Variants in TNS1 observed in about 807,000 individuals in gnomAD.
The protein encoded by TNS1 is tensin 1.
TNS1 carries 62 observed loss-of-function variants against 168.6 expected under a neutral mutation model. The ratio of observed to expected loss-of-function variants is 0.37; its 90% CI spans 0.30 to 0.45. The LOEUF is 0.45. Ranked by LOEUF, TNS1 falls within the 20% of genes least tolerant of loss-of-function variation. TNS1 has a pLI of 1.00. For synonymous variants in TNS1, 934 were observed against 933.2 expected (o/e 1.00, Z -0.02); for missense variants, 2,240 against 2,339.4 (o/e 0.96, Z 0.88).
chr2:217,920,655 A>G (rs1345157193), intron 3 of TNS1, among the ~76,000 whole-genome samples: 12 of 151,356 alleles, frequency 7.9e-5, no homozygotes, highest in Admixed American at 7.9e-4. Context: ...TAGGACCATC[A>G]TCAGAAAAGG....
At chr2:217,978,674 C>T (rs1183012160) in intron 3 of TNS1, 91 bp downstream of exon 3, 1 of 667,494 alleles carries the variant, frequency 1.5e-6, no homozygotes, top group Non-Finnish European at 2.7e-6. Context: ...CGGGCACCGC[C>T]CCCGCCCCGC....
chr2:217,821,173 T>G, intron 23 of TNS1, among the ~76,000 whole-genome samples: 1 of 152,202 alleles, frequency 6.6e-6, no homozygotes, highest in East Asian at 1.9e-4. Context: ...TCTCATCCTG[T>G]GCAGGGAGGG....
At chr2:217,903,385 G>A (rs750315424) in intron 6 of TNS1, among the ~76,000 whole-genome samples, 2 of 152,176 alleles carry the variant, frequency 1.3e-5, no homozygotes, top group African/African-American at 2.4e-5. Flanking sequence ...TCCGCGTGGA[G>A]CCCCTAGGGA....
upstream of TNS1, among the ~76,000 whole-genome samples, chr2:218,013,531 C>G (rs1173847326): frequency 6.6e-6 from 1 of 152,180 alleles, no homozygotes; most frequent in Admixed American, 6.5e-5. Flanking sequence ...TGGCCCCCAG[C>G]TCCTCGCATC....
At chr2:217,927,884 A>G (rs1479965185) in intron 3 of TNS1, among the ~76,000 whole-genome samples, 1 of 152,200 alleles carries the variant, frequency 6.6e-6, no homozygotes, top group Non-Finnish European at 1.5e-5. Context: ...AAATGATACC[A>G]GAGCGGTCCA....
rs1946966781 is a variant in TNS1 at position 217,848,313 on chromosome 2, G to A, written c.2204C>T (p.Ala735Val). The A allele has an allele frequency of 6.5e-7, 1 of 1,537,534 alleles. No individual in the cohort carries two copies. Among genetic ancestry groups the A allele is most frequent in the Non-Finnish European group, 8.8e-7 (1 of 1,141,004 alleles). Reference sequence around the variant, plus strand: ...GCGGAACATACCGCTGGGGTCATGGGCATAGTGGGAGGTGGTCACTGGCTG... The same window carrying A: ...GCGGAACATACCGCTGGGGTCATGGACATAGTGGGAGGTGGTCACTGGCTG... ...WPQPVTTSHY[A>V]HDPSGMFRSQ... is the part of the protein sequence containing the mutation. The change falls in exon 19 of 33, where the codon GCC becomes GTC. Residue 735 changes from alanine (A) to valine (V), a missense_variant. Physicochemically the swap from Ala to Val is moderately conservative, Grantham distance 64 (BLOSUM62 0). This residue lies in a region of TNS1 where 2,131 missense variants were observed against 2,171.2 expected (regional missense o/e 0.98). Transcript: ENST00000682258.
intron 22 of TNS1, among the ~76,000 whole-genome samples, chr2:217,822,393 C>A (rs1041172925): frequency 3.3e-5 from 5 of 152,170 alleles, no homozygotes; most frequent in Admixed American, 2.0e-4. Context: ...GTGAGCTCCA[C>A]CCCCTGCCCA....
intron 3 of TNS1, among the ~76,000 whole-genome samples, chr2:217,936,433 C>A (rs1222590287): frequency 6.6e-6 from 1 of 152,110 alleles, no homozygotes. Context: ...CCTCCTTGGC[C>A]TCCCAATCCA....
chr2:218,023,417 A>G (rs1458398789), intron 1 of TNS1, among the ~76,000 whole-genome samples: 2 of 152,168 alleles, frequency 1.3e-5, no homozygotes, highest in Admixed American at 6.5e-5. Context: ...TCTTTAATTT[A>G]AAGGCATTCA....
chr2:217,847,503 C>T lies in TNS1; in HGVS notation c.3007+7G>A. ...GGTAGAAGGAGTCAGGACTGAATAC[C>T]TCTTACCTGCTACCCTGTGGGCCAC... On this transcript the variant is annotated splice_region_variant and intron_variant, in intron 19 of 32. Coordinates refer to ENST00000682258, the MANE Select transcript of TNS1 (RefSeq NM_001387777.1). 6.9e-7 allele frequency: 1 copy of T among 1,457,390 alleles called. No individual in the cohort carries two copies. The highest frequency in any genetic ancestry group is 9.1e-7 in the Non-Finnish European group (1 of 1,097,724). 90.3% of individuals were successfully genotyped at this position (1,457,390 alleles called of 1,614,324 possible).
chr2:217,886,052 A>G lies in TNS1; in HGVS notation c.1032T>C (p.Ser344=). 1 of 1,614,054 alleles carries G rather than the reference A, an allele frequency of 6.2e-7. No individual in the cohort carries two copies. The highest frequency in any genetic ancestry group is 8.5e-7 in the Non-Finnish European group (1 of 1,179,996). ...GCCCATGTAATACTTACTAGATGCC[A>G]GATGTGTACACAGGTTGCATGGCCT... ...IYQAMQPVYT[S]GIYNIPGDSQ... The change falls in exon 14 of 33, where the codon TCT becomes TCC. Residue 344 remains serine, a synonymous_variant. Coordinates refer to ENST00000682258, the MANE Select transcript of TNS1 (RefSeq NM_001387777.1).
intron 3 of TNS1, among the ~76,000 whole-genome samples, chr2:217,965,424 C>A (rs1444031467): frequency 2.0e-5 from 3 of 152,164 alleles, no homozygotes; most frequent in Non-Finnish European, 2.9e-5. Flanking sequence ...ATAGCAGAGT[C>A]AAGAGCCTCC....
rs1575032225 is a variant in TNS1, at chr2:217,906,252, G to C, written c.321+83C>G. The C allele has an allele frequency of 8.7e-6, 6 of 686,530 alleles. No individual in the cohort carries two copies. In the East Asian group the frequency reaches 1.6e-4, roughly 19 times the overall value. The allele number at this position is 686,530 out of a possible 1,614,324, so 42.5% of individuals were successfully genotyped here. ...GAGGTAAAGGAAGCCCACGAAACAA[G>C]ACATTATCCACCTCCCACCCCACCC... On this transcript the variant is annotated intron_variant, in intron 6 of 32. Coordinates refer to ENST00000682258, the MANE Select transcript of TNS1 (RefSeq NM_001387777.1).
chr2:217,942,595 A>G (rs1209199576), intron 3 of TNS1, among the ~76,000 whole-genome samples: 1 of 152,026 alleles, frequency 6.6e-6, no homozygotes, highest in Non-Finnish European at 1.5e-5. Context: ...GTGAGCCACC[A>G]TGGTCTCCAC....
chr2:218,016,076 C>A (rs1014004905), intron 1 of TNS1, among the ~76,000 whole-genome samples: 1 of 152,036 alleles, frequency 6.6e-6, no homozygotes, highest in Non-Finnish European at 1.5e-5. Flanking sequence ...GGGGAGGGCC[C>A]AGTCTGGGAA....
chr2:217,852,980 G>A (rs1947699338), intron 18 of TNS1, among the ~76,000 whole-genome samples: 1 of 152,070 alleles, frequency 6.6e-6, no homozygotes, highest in South Asian at 2.1e-4. Context: ...GCCCTGATGA[G>A]GACTCTGCTG....
chr2:217,979,183 C>T (rs921952103), intron 2 of TNS1, among the ~76,000 whole-genome samples: 1 of 152,314 alleles, frequency 6.6e-6, no homozygotes, highest in Admixed American at 6.5e-5. Flanking sequence ...TCCCCTTACA[C>T]ACACACCAGG....
At chr2:217,953,567 A>G (rs550759290) in intron 3 of TNS1, among the ~76,000 whole-genome samples, 1 of 152,334 alleles carries the variant, frequency 6.6e-6, no homozygotes, top group South Asian at 2.1e-4. Flanking sequence ...GTTCAGGCCA[A>G]TCATAGCCTG....
chr2:217,904,306 G>A lies in TNS1; in HGVS notation c.321+2029C>T, dbSNP rs759901368. Among the ~76,000 whole-genome samples, 69 of 152,166 alleles carry A rather than the reference G, an allele frequency of 4.5e-4. 1 individual carries two copies. The highest frequency in any genetic ancestry group is 2.4e-4 in the Non-Finnish European group (16 of 68,034). ...CATTCCTGCCTGTGAGTCCTGGGCC[G>A]TGGGCCAGAGACAGCAACACAGCTT... is the stretch of plus-strand genomic sequence containing the variant. On this transcript the variant is annotated intron_variant, in intron 6 of 32. Transcript: ENST00000682258.
Sources: allele counts gnomAD v4.1 joint callset (sites outside exome capture counted in the v4.1 genomes callset), GRCh38; gene constraint gnomAD v4.1.1; regional missense constraint gnomAD v4.1.1; transcripts MANE v1.5; gene names NCBI Gene and HGNC (gene_info 2026-07-23, HGNC 2026-07-21).